GSE1: variants seen among roughly 807,000 people sequenced by gnomAD.
The protein encoded by GSE1 is genetic suppressor element 1.
In GSE1, 32 loss-of-function variants were observed where a neutral mutation model predicts 112.6. That is an observed-to-expected ratio of 0.28 (90% CI 0.21 to 0.38). The LOEUF (loss-of-function observed/expected upper bound fraction) is 0.38. Among genes scored for constraint, GSE1 ranks in the 10% least tolerant of loss-of-function variants. The pLI is 1.00. For synonymous variants in GSE1, 1,115 were observed against 735.6 expected (o/e 1.52, Z -8.35); for missense variants, 2,348 against 1,699.2 (o/e 1.38, Z -6.71).
chr16:85,637,131 T>C, intron 2 of GSE1, among the ~76,000 whole-genome samples: 1 of 152,342 alleles, frequency 6.6e-6, no homozygotes. Context: ...CTAGAACATT[T>C]GGGTCACCCC....
chr16:85,331,848 A>C (rs960503064), intron 1 of GSE1, among the ~76,000 whole-genome samples: 24 of 150,632 alleles, frequency 1.6e-4, no homozygotes, highest in African/African-American at 5.9e-4. Flanking sequence ...GCGCCCAGCT[A>C]CTCCCTGTCT....
intron 1 of GSE1, among the ~76,000 whole-genome samples, chr16:85,277,661 C>T (rs951538520): frequency 6.6e-6 from 1 of 152,232 alleles, no homozygotes; most frequent in African/African-American, 2.4e-5. Flanking sequence ...GCTGGGCAGC[C>T]TGGAAGCGGT....
intron 1 of GSE1, chr16:85,594,246 C>T (rs796560035): frequency 2.1e-4 from 2 of 9,592 alleles, no homozygotes; most frequent in South Asian, 3.3e-3. Flanking sequence ...GGGGGGGGGG[C>T]GGAGGGGACA....
rs560489772 is a variant in GSE1, at chr16:85,639,595, G to A, written c.226+5463G>A. On this transcript the variant is annotated intron_variant, in intron 2 of 15. Transcript: ENST00000253458. ...TGACTGAATAAGAGGTGTTTGCCCCGAGGGTGCCCCGGGAACGCCTGTGCG... is the reference window on the plus strand; with the variant it reads ...TGACTGAATAAGAGGTGTTTGCCCCAAGGGTGCCCCGGGAACGCCTGTGCG... 9.8e-5 allele frequency among the ~76,000 whole-genome samples: 15 copies of A among 152,368 alleles called. 1 individual carries two copies. The South Asian group carries it at 2.1e-3, about 21-fold the overall frequency.
intron 2 of GSE1, among the ~76,000 whole-genome samples, chr16:85,533,355 G>T (rs187012564): frequency 6.6e-6 from 1 of 152,144 alleles, no homozygotes; most frequent in African/African-American, 2.4e-5. Flanking sequence ...GGGAGGCGGA[G>T]GTTGCAATGA....
rs764345370 is a variant in GSE1 at position 85,671,135 on chromosome 16, A to T, written c.3519+37A>T. 5.8e-6 allele frequency: 7 copies of T among 1,203,122 alleles called. No homozygotes were observed. The East Asian group carries it at 1.6e-4, about 28-fold the overall frequency. 74.5% of individuals were successfully genotyped at this position (1,203,122 alleles called of 1,614,324 possible). On this transcript the variant is annotated intron_variant, in intron 15 of 15. Coordinates refer to ENST00000253458, the MANE Select transcript of GSE1 (RefSeq NM_014615.5). ...AGGGATGGAAACCTTCAAACACGCA[A>T]CCTTTTGAGTTTGGGTTCAGAAACA...
At chr16:85,642,354 TG>T (rs1246193684) in intron 2 of GSE1, among the ~76,000 whole-genome samples, 1 of 152,194 alleles carries the variant, frequency 6.6e-6, no homozygotes, top group Non-Finnish European at 1.5e-5. Context: ...AACACTAACT[TG>T]GGGACAGAAC....
intron 1 of GSE1, among the ~76,000 whole-genome samples, chr16:85,626,068 C>T (rs2049048658): frequency 6.6e-6 from 1 of 152,134 alleles, no homozygotes; most frequent in Non-Finnish European, 1.5e-5. Flanking sequence ...TGGCCGGTTT[C>T]TGGGGCATAG....
intron 3 of GSE1, 27 bp from the exon 4 acceptor site, chr16:85,654,251 C>A (rs931473806): frequency 6.4e-7 from 1 of 1,566,590 alleles, no homozygotes; most frequent in Admixed American, 1.9e-5. Context: ...CAGGCTCCTG[C>A]CCTGACTGGA....
chr16:85,338,220 C>T (rs1330687706), intron 1 of GSE1, among the ~76,000 whole-genome samples: 2 of 152,264 alleles, frequency 1.3e-5, no homozygotes, highest in African/African-American at 4.8e-5. Context: ...ACCGGCAGAT[C>T]TTCCCCCTCA....
At chr16:85,493,512 G>C (rs1391874755) in intron 2 of GSE1, among the ~76,000 whole-genome samples, 1 of 151,950 alleles carries the variant, frequency 6.6e-6, no homozygotes, top group Non-Finnish European at 1.5e-5. Flanking sequence ...CCAGCACTTT[G>C]GGAGGCCGAG....
chr16:85,629,480 C>T (rs1317357267), intron 1 of GSE1, among the ~76,000 whole-genome samples: 1 of 152,268 alleles, frequency 6.6e-6, no homozygotes, highest in Non-Finnish European at 1.5e-5. Context: ...GCCACCCAGC[C>T]TGCACCGGAG....
In GSE1 at chr16:85,274,611, C is replaced by T. The variant is rs115393213; in HGVS notation, c.2284-82852C>T. On this transcript the variant is annotated intron_variant, in intron 1 of 2. Coordinates refer to the GSE1 transcript ENST00000637419. ...AGGCCTCTGTGGGCAGGGGACCTGGCGGTTGTAGGGATCCCCAGCCTCCCA... is the reference window on the plus strand; with the variant it reads ...AGGCCTCTGTGGGCAGGGGACCTGGTGGTTGTAGGGATCCCCAGCCTCCCA... Among the ~76,000 whole-genome samples the T allele has an allele frequency of 6.2e-3, 939 of 152,236 alleles. 10 individuals are homozygous for T. The highest frequency in any genetic ancestry group is 0.021 in the African/African-American group (893 of 41,536).
rs746872775 is a variant in GSE1, at chr16:85,668,205, C to T, written c.3196C>T (p.Pro1066Ser). The change falls in exon 14 of 16, where the codon CCT becomes TCT. Residue 1066 changes from proline to serine, a missense_variant. Transcript: ENST00000253458. Reference protein sequence around the residue: ...KVDTSVHYNIPELQSSSRAPP... With the variant: ...KVDTSVHYNISELQSSSRAPP... ...TGACACGTCCGTCCACTACAACATT[C>T]CTGAGCTGCAGTCCTCCAGCCGCGC... The T allele has an allele frequency of 6.2e-7, 1 of 1,610,500 alleles. No homozygotes were observed. Among genetic ancestry groups the T allele is most frequent in the Non-Finnish European group, 8.5e-7 (1 of 1,176,864 alleles).
chr16:85,211,645 T>A (rs965245010), intron 1 of GSE1, among the ~76,000 whole-genome samples: 14 of 152,134 alleles, frequency 9.2e-5, no homozygotes, highest in African/African-American at 3.4e-4. Context: ...GCTGTGTGGT[T>A]CCCATCTGGC....
chr16:85,673,423 T>G lies in GSE1; in HGVS notation c.*884T>G, dbSNP rs996998767. 2 of 152,390 alleles carry G rather than the reference T, an allele frequency of 1.3e-5. No homozygotes were observed. Among genetic ancestry groups the G allele is most frequent in the African/African-American group, 2.4e-5 (1 of 41,384 alleles). The allele number at this position is 152,390 out of a possible 1,614,324, so 9.4% of individuals were successfully genotyped here. ...ATTTTTAATATGTGGTTTGGGGGAT[T>G]TTTGTTTGTTTTTCCTGTTTGGGGG... is the stretch of plus-strand genomic sequence containing the variant. On this transcript the variant is annotated 3_prime_UTR_variant, in exon 16 of 16. Coordinates refer to ENST00000253458, the MANE Select transcript of GSE1 (RefSeq NM_014615.5).
chr16:85,355,919 C>T (rs970605512), intron 1 of GSE1, among the ~76,000 whole-genome samples: 3 of 151,966 alleles, frequency 2.0e-5, no homozygotes, highest in African/African-American at 2.4e-5. Context: ...CCCAGCTACT[C>T]GGGAGGCTGA....
intron 1 of GSE1, among the ~76,000 whole-genome samples, chr16:85,565,193 C>T (rs1441853804): frequency 6.6e-6 from 1 of 151,968 alleles, no homozygotes; most frequent in Non-Finnish European, 1.5e-5. Context: ...AGTTCAAGAC[C>T]AGCCTGACCA....
At chr16:85,213,302 C>T (rs1425848898) in intron 1 of GSE1, among the ~76,000 whole-genome samples, 1 of 151,764 alleles carries the variant, frequency 6.6e-6, no homozygotes, top group Non-Finnish European at 1.5e-5. Flanking sequence ...AAAAGTTAGC[C>T]AGGCATGTTG....
Sources: gnomAD v4.1 joint callset for allele counts (sites outside exome capture counted in the v4.1 genomes callset) on GRCh38, gnomAD v4.1.1 for gene constraint, MANE v1.5 for transcripts, NCBI Gene and HGNC (gene_info 2026-07-23, HGNC 2026-07-21) for gene names.